The following SLC44A5 variants were observed in gnomAD, a reference collection of about 807,000 sequenced individuals.
SLC44A5 encodes choline transporter-like protein 5.
In SLC44A5, 57 loss-of-function variants were observed where a neutral mutation model predicts 101.8. The observed-to-expected ratio is 0.56, with a 90% CI of 0.45 to 0.70. The LOEUF is 0.70. SLC44A5 is among the 30% of genes least tolerant of loss of function. The pLI is 0.00. For missense variants in SLC44A5, 737 were observed against 853.1 expected (o/e 0.86, Z 1.70); for synonymous variants, 281 against 290.9 (o/e 0.97, Z 0.35).
intron 9 of SLC44A5, among the ~76,000 whole-genome samples, chr1:75,239,923 T>G (rs12061094): frequency 0.17 from 25,604 of 152,004 alleles, 2,415 homozygotes; most frequent in Non-Finnish European, 0.22. Context: ...AACTCTCTTT[T>G]CTTGGCTTCC....
intron 13 of SLC44A5, among the ~76,000 whole-genome samples, chr1:75,225,215 T>G (rs1647172327): frequency 6.6e-6 from 1 of 152,198 alleles, no homozygotes. Flanking sequence ...TGCCATTGTA[T>G]TACAATTTCC....
intron 2 of SLC44A5, among the ~76,000 whole-genome samples, chr1:75,529,190 C>A (rs1015190139): frequency 6.6e-6 from 1 of 151,988 alleles, no homozygotes; most frequent in African/African-American, 2.4e-5. Context: ...ATTTAGTAAC[C>A]CAAGGTCTAA....
intron 1 of SLC44A5, among the ~76,000 whole-genome samples, chr1:75,604,095 T>C (rs891792777): frequency 1.3e-4 from 20 of 152,074 alleles, no homozygotes; most frequent in African/African-American, 4.6e-4. Context: ...CCAAAGTCAA[T>C]GTCCAGAATG....
At chr1:75,694,693 T>A in the SLC44A5 span, among the ~76,000 whole-genome samples, 2 of 152,188 alleles carry the variant, frequency 1.3e-5, no homozygotes, top group Non-Finnish European at 2.9e-5. Flanking sequence ...ACAATGCTCA[T>A]TAAAATCTAT....
chr1:75,211,222 GT>G (rs1480050089), intron 23 of SLC44A5, among the ~76,000 whole-genome samples: 1 of 152,124 alleles, frequency 6.6e-6, no homozygotes, highest in African/African-American at 2.4e-5. Context: ...GTTTCTATGA[GT>G]TTGACATTTT....
At chr1:75,475,109 T>C (rs1023290787) in intron 2 of SLC44A5, among the ~76,000 whole-genome samples, 2 of 152,220 alleles carry the variant, frequency 1.3e-5, no homozygotes, top group South Asian at 2.1e-4. Flanking sequence ...GTGGCATTTA[T>C]GAAAGAACCC....
At chr1:75,415,659 C>T (rs999650016) in intron 2 of SLC44A5, among the ~76,000 whole-genome samples, 1 of 152,142 alleles carries the variant, frequency 6.6e-6, no homozygotes, top group South Asian at 2.1e-4. Flanking sequence ...CAGTTTGGAA[C>T]TTCCTAGAGA....
intron 1 of SLC44A5, among the ~76,000 whole-genome samples, chr1:75,593,631 T>C (rs1674476277): frequency 6.6e-6 from 1 of 152,114 alleles, no homozygotes; most frequent in Non-Finnish European, 1.5e-5. Context: ...GTGGGACATA[T>C]ACACAATGGA....
the SLC44A5 span, among the ~76,000 whole-genome samples, chr1:75,667,797 C>G: frequency 6.6e-6 from 1 of 152,142 alleles, no homozygotes; most frequent in African/African-American, 2.4e-5. Flanking sequence ...ATTTTTTTGC[C>G]ATGTGAACAT....
chr1:75,655,647 C>A, the SLC44A5 span, among the ~76,000 whole-genome samples: 1 of 152,284 alleles, frequency 6.6e-6, no homozygotes, highest in African/African-American at 2.4e-5. Context: ...CACAGAGAGA[C>A]ACTCCTTCCA....
chr1:75,540,118 C>A (rs1178030725), intron 2 of SLC44A5, among the ~76,000 whole-genome samples: 1 of 152,130 alleles, frequency 6.6e-6, no homozygotes, highest in Non-Finnish European at 1.5e-5. Flanking sequence ...ATTCACCTAA[C>A]CCTTTGTAAC....
At chr1:75,638,714 T>C in the SLC44A5 span, among the ~76,000 whole-genome samples, 1 of 152,128 alleles carries the variant, frequency 6.6e-6, no homozygotes, top group Non-Finnish European at 1.5e-5. Flanking sequence ...CCAATCAACT[T>C]GCCCATGGAC....
the SLC44A5 span, among the ~76,000 whole-genome samples, chr1:75,678,484 A>G: frequency 6.6e-6 from 1 of 151,384 alleles, no homozygotes; most frequent in Middle Eastern, 3.2e-3. Context: ...ACTGGGAGGC[A>G]CCCTCCAGCA....
At chr1:75,553,982 C>A (rs1226981573) in intron 1 of SLC44A5, among the ~76,000 whole-genome samples, 1 of 152,074 alleles carries the variant, frequency 6.6e-6, no homozygotes, top group Admixed American at 6.6e-5. Context: ...AACTGGGCGG[C>A]ACTTTCATAG....
chr1:75,217,724 C>T, intron 18 of SLC44A5, 142 bp downstream of exon 18: 1 of 631,560 alleles, frequency 1.6e-6, no homozygotes, highest in Non-Finnish European at 2.8e-6. Flanking sequence ...CAAGCTCTCT[C>T]TGGTTTTCCT....
intron 23 of SLC44A5, chr1:75,206,379 TA>T (rs936086313): frequency 2.4e-6 from 1 of 424,614 alleles, no homozygotes; most frequent in Non-Finnish European, 4.2e-6. Context: ...CTACAGATTT[TA>T]AAAAACGTTT....
chr1:75,652,202 C>A, the SLC44A5 span, among the ~76,000 whole-genome samples: 1 of 152,078 alleles, frequency 6.6e-6, no homozygotes, highest in South Asian at 2.1e-4. Flanking sequence ...AGACAGCTCA[C>A]CCCAAGGGAA....
chr1:75,322,043 G>T (rs1414202762), intron 4 of SLC44A5, among the ~76,000 whole-genome samples: 1 of 152,172 alleles, frequency 6.6e-6, no homozygotes, highest in Admixed American at 6.5e-5. Flanking sequence ...GCCAGGTGTG[G>T]TGGCTCACGT....
At chr1:75,321,499 T>C (rs2100960948) in intron 4 of SLC44A5, among the ~76,000 whole-genome samples, 1 of 151,994 alleles carries the variant, frequency 6.6e-6, no homozygotes, top group South Asian at 2.1e-4. Context: ...TATTGTCTCT[T>C]CTTACAAGGG....
Sources: gnomAD v4.1 joint callset for allele counts (sites outside exome capture counted in the v4.1 genomes callset) on GRCh38, gnomAD v4.1.1 for gene constraint, MANE v1.5 for transcripts, NCBI Gene and HGNC (gene_info 2026-07-23, HGNC 2026-07-21) for gene names.